Variants in CCND1 observed in about 807,000 individuals in gnomAD.
CCND1 encodes the protein cyclin D1.
Under a neutral mutation model 26.1 loss-of-function variants are expected in CCND1, and 9 were observed. That is an observed-to-expected ratio of 0.35 (90% CI 0.21 to 0.60). CCND1 has a LOEUF of 0.60. Ranked by LOEUF, CCND1 falls within the 20% of genes least tolerant of loss-of-function variation. The pLI is 0.79. For missense variants in CCND1, 335 were observed against 392.9 expected (o/e 0.85, Z 1.25); for synonymous variants, 194 against 166.1 (o/e 1.17, Z -1.29).
intron 1 of CCND1, 140 bp from the exon 2 acceptor site, chr11:69,642,891 G>A: frequency 2.2e-6 from 1 of 454,852 alleles, no homozygotes; most frequent in Non-Finnish European, 3.7e-6. Flanking sequence ...CGCATCACGG[G>A]AAGCTCCTGC....
chr11:69,648,239 G>C lies in CCND1; in HGVS notation c.723+97G>C. ...CCGAGGCTGGTGCCAAGGCCCCCAA[G>C]GGTGACAAGGTTGGGGCTGGGGCTG... On this transcript the variant is annotated intron_variant, in intron 4 of 4. Coordinates refer to ENST00000227507, the MANE Select transcript of CCND1 (RefSeq NM_053056.3). 2.1e-6 allele frequency: 3 copies of C among 1,452,720 alleles called. No homozygotes were observed. In the South Asian group the frequency reaches 3.7e-5, roughly 18 times the overall value. 90.0% of individuals were successfully genotyped at this position (1,452,720 alleles called of 1,614,324 possible).
At position 69,654,043 on chromosome 11, in the gene CCND1, C is replaced by T. The variant is rs3212908; in HGVS notation, c.*2761C>T. On this transcript the variant is annotated 3_prime_UTR_variant, in exon 5 of 5. Coordinates refer to ENST00000227507, the MANE Select transcript of CCND1 (RefSeq NM_053056.3). This position sits in a 1 kb window ranked among gnomAD's most constrained non-coding sequence, Gnocchi z 6.3. ...TGCCGAACCAAAAGAATTTGCACCC[C>T]GCTGCGGGCCCACGTGGTTGGGGCC... The T allele has an allele frequency of 4.4e-3, 2,662 of 601,994 alleles. 50 individuals are homozygous for T. The highest frequency in any genetic ancestry group is 0.041 in the African/African-American group (2,214 of 54,070). The allele number at this position is 601,994 out of a possible 1,614,324, so 37.3% of individuals were successfully genotyped here. A position where few individuals can be genotyped will look rare whatever the true frequency, so the allele number is the denominator to read the frequency against.
rs1440694491 is a variant in CCND1, at chr11:69,643,102, G to C, written c.270G>C (p.Ser90=). 6.2e-7 allele frequency: 1 copy of C among 1,611,156 alleles called. No homozygotes were observed. Among genetic ancestry groups the C allele is most frequent in the Non-Finnish European group, 8.5e-7 (1 of 1,179,134 alleles). The change falls in exon 2 of 5, where the codon TCG becomes TCC. Residue 90 remains serine (S), a synonymous_variant. Coordinates refer to ENST00000227507, the MANE Select transcript of CCND1 (RefSeq NM_053056.3). ...TGAACTACCTGGACCGCTTCCTGTC[G>C]CTGGAGCCCGTGAAAAAGAGCCGCC... ...LAMNYLDRFL[S]LEPVKKSRLQ... is the part of the protein sequence containing the mutation.
At chr11:69,646,361 GGT>G (rs1855779774) in intron 3 of CCND1, among the ~76,000 whole-genome samples, 1 of 152,144 alleles carries the variant, frequency 6.6e-6, no homozygotes, top group African/African-American at 2.4e-5. Context: ...TCCCCTTCAG[GGT>G]GGCTGCCTTT....
chr11:69,642,804 C>T (rs1855725420), intron 1 of CCND1, among the ~76,000 whole-genome samples: 4 of 152,084 alleles, frequency 2.6e-5, no homozygotes. Flanking sequence ...GCTCCCGCCC[C>T]CACCGTGCCA....
chr11:69,646,659 T>G (rs1590914774), intron 3 of CCND1, among the ~76,000 whole-genome samples: 1 of 152,052 alleles, frequency 6.6e-6, no homozygotes, highest in Middle Eastern at 3.4e-3. Flanking sequence ...CTCGTGGGTG[T>G]GACAAAAGGC....
intron 4 of CCND1, among the ~76,000 whole-genome samples, chr11:69,650,411 C>T (rs1020849514): frequency 1.1e-4 from 17 of 152,204 alleles, no homozygotes; most frequent in African/African-American, 3.9e-4. Flanking sequence ...GTGGTGTGGA[C>T]GCTGCCAAGG....
chr11:69,649,331 G>A (rs763352457), intron 4 of CCND1, among the ~76,000 whole-genome samples: 3 of 152,176 alleles, frequency 2.0e-5, no homozygotes, highest in African/African-American at 7.2e-5. Context: ...TGCTGTCTTC[G>A]GGCAGTTGTG....
chr11:69,643,540 G>C (rs1202225492), intron 2 of CCND1, among the ~76,000 whole-genome samples: 1 of 152,252 alleles, frequency 6.6e-6, no homozygotes, highest in Non-Finnish European at 1.5e-5. Flanking sequence ...CGCCGCGCTC[G>C]GCGCTGAGCC....
rs1009168079 is a variant in CCND1, at chr11:69,654,322, C to T, written c.*3040C>T. On this transcript the variant is annotated 3_prime_UTR_variant, in exon 5 of 5. Coordinates refer to ENST00000227507, the MANE Select transcript of CCND1 (RefSeq NM_053056.3). The surrounding 1 kb of genome is among the most constrained non-coding windows in gnomAD (Gnocchi z 6.3). Reference sequence around the variant, plus strand: ...GCACAGCGGAGTCTGTCCTGTGACGCGCAAGTCTGAGGGTCTGGGCGGCGG... The same window carrying T: ...GCACAGCGGAGTCTGTCCTGTGACGTGCAAGTCTGAGGGTCTGGGCGGCGG... 2.8e-5 allele frequency: 20 copies of T among 702,378 alleles called. No homozygotes were observed. The highest frequency in any genetic ancestry group is 2.3e-4 in the Middle Eastern group (1 of 4,392). 43.5% of individuals were successfully genotyped at this position (702,378 alleles called of 1,614,324 possible).
At position 69,654,174 on chromosome 11, in the gene CCND1, G is replaced by T. The variant is rs1411516603; in HGVS notation, c.*2892G>T. 2.9e-6 allele frequency: 2 copies of T among 701,620 alleles called. No homozygotes were observed. The highest frequency in any genetic ancestry group is 5.4e-5 in the East Asian group (2 of 37,196). 43.5% of individuals were successfully genotyped at this position (701,620 alleles called of 1,614,324 possible). On this transcript the variant is annotated 3_prime_UTR_variant, in exon 5 of 5. Transcript: ENST00000227507. This position sits in a 1 kb window ranked among gnomAD's most constrained non-coding sequence, Gnocchi z 6.3. ...CACGCTTACCTCAACCATCCTGGCT[G>T]CGGCGTCTGTCTGAACCACGCGGGG...
In CCND1 at chr11:69,653,420, T is replaced by G. The variant is rs1409298721; in HGVS notation, c.*2138T>G. On this transcript the variant is annotated 3_prime_UTR_variant, in exon 5 of 5. Coordinates refer to ENST00000227507, the MANE Select transcript of CCND1 (RefSeq NM_053056.3). ...TGTATTACAGATGCCTTTTTTGTAGTTTTTTTTTTTTTTATGTGATCAATT... is the reference window on the plus strand; with the variant it reads ...TGTATTACAGATGCCTTTTTTGTAGGTTTTTTTTTTTTTATGTGATCAATT... 1.9e-5 allele frequency: 6 copies of G among 315,784 alleles called. No individual in the cohort carries two copies. Among genetic ancestry groups the G allele is most frequent in the African/African-American group, 8.0e-5 (3 of 37,568 alleles). 19.6% of individuals were successfully genotyped at this position (315,784 alleles called of 1,614,324 possible).
rs556662214 is a variant in CCND1 at position 69,650,412 on chromosome 11, G to T, written c.724-706G>T. 3.9e-5 allele frequency among the ~76,000 whole-genome samples: 6 copies of T among 152,338 alleles called. No individual in the cohort carries two copies. The East Asian group carries it at 9.7e-4, about 25-fold the overall frequency. On this transcript the variant is annotated intron_variant, in intron 4 of 4. Transcript: ENST00000227507. ...TTCCCACTGACAGTGTGGTGTGGAC[G>T]CTGCCAAGGGAGTCTGGAGCCCCAG... is the stretch of plus-strand genomic sequence containing the variant.
intron 3 of CCND1, among the ~76,000 whole-genome samples, chr11:69,646,379 C>G (rs377555267): frequency 6.6e-6 from 1 of 152,160 alleles, no homozygotes; most frequent in Non-Finnish European, 1.5e-5. Context: ...CCTTTCTTCC[C>G]GGCCCCTCGC....
chr11:69,648,292 G>A, intron 4 of CCND1, 150 bp downstream of exon 4: 1 of 777,188 alleles, frequency 1.3e-6, no homozygotes, highest in Non-Finnish European at 2.0e-6. Context: ...GCCACAGACT[G>A]ACAGGGCACC....
In CCND1 at chr11:69,643,219, C is replaced by T. The variant is rs371689281; in HGVS notation, c.387C>T (p.Asp129=). 5.8e-5 allele frequency: 93 copies of T among 1,595,726 alleles called. No individual in the cohort carries two copies. Among genetic ancestry groups the T allele is most frequent in the Non-Finnish European group, 7.3e-5 (86 of 1,171,916 alleles). ...CCGAGAAGCTGTGCATCTACACCGA[C>T]AACTCCATCCGGCCCGAGGAGCTGC... ...LTAEKLCIYT[D]NSIRPEELLQ... The change falls in exon 2 of 5, where the codon GAC becomes GAT. Residue 129 remains aspartate (D), a synonymous_variant. Transcript: ENST00000227507.
chr11:69,653,925 T>C lies in CCND1; in HGVS notation c.*2643T>C, dbSNP rs1249137284. ...TGTACTAGTGTTCTGTTTGTTATTG[T>C]TTTGTTAATTACACCATAATGCTAA... On this transcript the variant is annotated 3_prime_UTR_variant, in exon 5 of 5. Coordinates refer to ENST00000227507, the MANE Select transcript of CCND1 (RefSeq NM_053056.3). 9.2e-6 allele frequency: 5 copies of C among 540,954 alleles called. No individual in the cohort carries two copies. The highest frequency in any genetic ancestry group is 7.5e-5 in the African/African-American group (4 of 53,174). 33.5% of individuals were successfully genotyped at this position (540,954 alleles called of 1,614,324 possible). A position where few individuals can be genotyped will look rare whatever the true frequency, so the allele number is the denominator to read the frequency against.
chr11:69,646,482 C>T (rs1422246913), intron 3 of CCND1, among the ~76,000 whole-genome samples: 2 of 152,142 alleles, frequency 1.3e-5, no homozygotes, highest in Admixed American at 1.3e-4. Flanking sequence ...CCGTGGGGGC[C>T]CCTCTCCCTT....
At chr11:69,649,071 T>C (rs1194052005) in intron 4 of CCND1, among the ~76,000 whole-genome samples, 2 of 152,198 alleles carry the variant, frequency 1.3e-5, no homozygotes, top group South Asian at 2.1e-4. Flanking sequence ...TTCTCGGCCA[T>C]GGCCTCCCTT....
Sources: gnomAD v4.1 joint callset for allele counts (sites outside exome capture counted in the v4.1 genomes callset) on GRCh38, gnomAD v4.1.1 for gene constraint, Gnocchi (gnomAD v3.1) non-coding constraint, MANE v1.5 for transcripts, NCBI Gene and HGNC (gene_info 2026-07-23, HGNC 2026-07-21) for gene names.